Variants in ALCAM observed in about 807,000 individuals in gnomAD.
ALCAM encodes the protein activated leukocyte cell adhesion molecule, also known as CD166 antigen.
Under a neutral mutation model 70.9 loss-of-function variants are expected in ALCAM, and 30 were observed. The ratio of observed to expected loss-of-function variants is 0.42; its 90% confidence interval spans 0.32 to 0.57. ALCAM has a LOEUF of 0.57. ALCAM is among the 20% of genes least tolerant of loss of function. ALCAM has a pLI of 0.11. For missense variants in ALCAM, 591 were observed against 695.1 expected, an observed-to-expected ratio of 0.85 and a Z score of 1.68; for synonymous variants, 249 against 242.5, an observed-to-expected ratio of 1.03 and a Z score of -0.25.
chr3:105,369,679 C>A (rs1289100590), intron 1 of ALCAM, among the ~76,000 whole-genome samples: 2 of 152,148 alleles, frequency 1.3e-5, no homozygotes, highest in Non-Finnish European at 2.9e-5. Flanking sequence ...TAACTGCCTT[C>A]CCTGCCGGCC....
chr3:105,427,301 A>G (rs925111069), intron 1 of ALCAM, among the ~76,000 whole-genome samples: 1 of 151,960 alleles, frequency 6.6e-6, no homozygotes, highest in Non-Finnish European at 1.5e-5. Context: ...GACAAGCTGC[A>G]GTTGCCCCTA....
chr3:105,439,127 C>A (rs1158841668), intron 1 of ALCAM, among the ~76,000 whole-genome samples: 1 of 152,012 alleles, frequency 6.6e-6, no homozygotes, highest in Non-Finnish European at 1.5e-5. Context: ...TTGCTAGTAG[C>A]TAGGGTAATG....
chr3:105,443,403 C>T (rs904636101), intron 1 of ALCAM, among the ~76,000 whole-genome samples: 15 of 152,082 alleles, frequency 9.9e-5, no homozygotes, highest in Admixed American at 9.8e-4. Context: ...GTGTGTCTGA[C>T]TGAAGTATAT....
At chr3:105,383,936 C>T (rs769832341) in intron 1 of ALCAM, among the ~76,000 whole-genome samples, 16 of 151,560 alleles carry the variant, frequency 1.1e-4, no homozygotes, top group East Asian at 1.9e-4. Flanking sequence ...CTTTGGATCA[C>T]GGCATTTCTC....
intron 1 of ALCAM, among the ~76,000 whole-genome samples, chr3:105,475,998 C>T (rs1212031087): frequency 3.3e-5 from 5 of 151,932 alleles, no homozygotes; most frequent in South Asian, 2.1e-4. Context: ...ATACCTTTCT[C>T]CTGAGGGTCT....
intron 2 of ALCAM, among the ~76,000 whole-genome samples, chr3:105,523,025 AGCTACTC>A (rs1019828930): frequency 6.6e-6 from 1 of 151,572 alleles, no homozygotes; most frequent in African/African-American, 2.4e-5. Context: ...CTGTAGTCCC[AGCTACTC>A]TGGAGCCTGA....
intron 3 of ALCAM, chr3:105,525,037 A>C (rs1457686329): frequency 4.5e-6 from 4 of 884,032 alleles, no homozygotes; most frequent in Admixed American, 6.2e-5. Context: ...ATCCACATAC[A>C]AATATTTTAT....
intron 1 of ALCAM, among the ~76,000 whole-genome samples, chr3:105,458,003 A>G (rs114107338): frequency 2.6e-4 from 39 of 152,018 alleles, no homozygotes; most frequent in Non-Finnish European, 5.0e-4. Flanking sequence ...CTCCTAATAA[A>G]CATGCTCATT....
intron 1 of ALCAM, among the ~76,000 whole-genome samples, chr3:105,389,723 TG>T (rs1164306232): frequency 1.6e-4 from 24 of 151,604 alleles, no homozygotes; most frequent in Admixed American, 7.3e-4. Flanking sequence ...CTGTTTATCC[TG>T]ATTCTGTCCC....
At chr3:105,526,298 A>C (rs939551614) in intron 3 of ALCAM, among the ~76,000 whole-genome samples, 13 of 152,164 alleles carry the variant, frequency 8.5e-5, no homozygotes, top group Admixed American at 8.5e-4. Context: ...AAAAAAAAAA[A>C]AAAACATTAA....
intron 1 of ALCAM, among the ~76,000 whole-genome samples, chr3:105,393,851 AC>A (rs1935883542): frequency 6.6e-6 from 1 of 151,870 alleles, no homozygotes; most frequent in Admixed American, 6.6e-5. Flanking sequence ...ACAAATAAAT[AC>A]AAAAAGCCCT....
At chr3:105,508,618 A>G (rs1939145854) in intron 1 of ALCAM, among the ~76,000 whole-genome samples, 1 of 152,282 alleles carries the variant, frequency 6.6e-6, no homozygotes, top group African/African-American at 2.4e-5. Flanking sequence ...TATTGTATAT[A>G]TTTAATCTAT....
rs865801902 is a variant in ALCAM, at chr3:105,452,381, T to G, written c.74-67686T>G. Among the ~76,000 whole-genome samples, 28 of 152,340 alleles carry G rather than the reference T, an allele frequency of 1.8e-4. 1 individual carries two copies. The Middle Eastern group carries it at 0.014, about 74-fold the overall frequency. On this transcript the variant is annotated intron_variant, in intron 1 of 15. Coordinates refer to ENST00000306107, the MANE Select transcript of ALCAM (RefSeq NM_001627.4). Reference sequence around the variant, plus strand: ...GGATGATGGCTTCCAGCTTCATCCATGTCCCTGCAAAGGACATAATCTCAT... The same window carrying G: ...GGATGATGGCTTCCAGCTTCATCCAGGTCCCTGCAAAGGACATAATCTCAT...
intron 1 of ALCAM, among the ~76,000 whole-genome samples, chr3:105,422,203 A>G (rs9883799): frequency 0.69 from 104,167 of 151,062 alleles, 36,235 homozygotes; most frequent in East Asian, 0.93. Flanking sequence ...AATATTCCAT[A>G]GTATATATAT....
chr3:105,371,194 G>A (rs756874633), intron 1 of ALCAM, among the ~76,000 whole-genome samples: 5 of 152,044 alleles, frequency 3.3e-5, no homozygotes, highest in Non-Finnish European at 2.9e-5. Context: ...TAATTAAATA[G>A]TCTTGTGTTA....
rs1935386362 is a variant in ALCAM at position 105,376,655 on chromosome 3, T to C, written c.73+9174T>C. Among the ~76,000 whole-genome samples the C allele has an allele frequency of 2.6e-5, 4 of 152,198 alleles. 1 individual carries two copies. The highest frequency in any genetic ancestry group is 2.6e-4 in the Admixed American group (4 of 15,282). On this transcript the variant is annotated intron_variant, in intron 1 of 15. Transcript: ENST00000306107. ...ACTATATAACTATTTGCTAGAAATTTTGGTAAATGTCACAAGAACAATGAA... is the reference window on the plus strand; with the variant it reads ...ACTATATAACTATTTGCTAGAAATTCTGGTAAATGTCACAAGAACAATGAA...
chr3:105,370,458 A>G (rs1193197519), intron 1 of ALCAM, among the ~76,000 whole-genome samples: 1 of 152,140 alleles, frequency 6.6e-6, no homozygotes, highest in African/African-American at 2.4e-5. Context: ...GTTTTCTCAT[A>G]CAAAATAAAA....
intron 1 of ALCAM, among the ~76,000 whole-genome samples, chr3:105,451,994 C>G (rs985325531): frequency 2.0e-5 from 3 of 152,066 alleles, no homozygotes; most frequent in African/African-American, 7.2e-5. Context: ...TATTATCTGC[C>G]TCTGGTTTGT....
At chr3:105,401,949 A>G (rs1936100218) in intron 1 of ALCAM, among the ~76,000 whole-genome samples, 1 of 151,806 alleles carries the variant, frequency 6.6e-6, no homozygotes, top group Non-Finnish European at 1.5e-5. Flanking sequence ...TTTAGAAGTG[A>G]TTCTAATGTG....
Sources: gnomAD v4.1 joint callset for allele counts (sites outside exome capture counted in the v4.1 genomes callset) on GRCh38, gnomAD v4.1.1 for gene constraint, MANE v1.5 for transcripts, NCBI Gene and HGNC (gene_info 2026-07-23, HGNC 2026-07-21) for gene names.